Variants in TAFAZZIN observed in about 807,000 individuals in gnomAD.
TAFAZZIN encodes the protein tafazzin, phospholipid-lysophospholipid transacylase.
In TAFAZZIN, 6 loss-of-function variants were observed where a neutral mutation model predicts 27.3. The observed-to-expected ratio is 0.22, with a 90% CI of 0.12 to 0.43. The LOEUF (loss-of-function observed/expected upper bound fraction) is 0.43. Ranked by LOEUF, TAFAZZIN falls within the 20% of genes least tolerant of loss-of-function variation. The pLI is 1.00. For synonymous variants in TAFAZZIN, 79 were observed against 96.2 expected (o/e 0.82, Z 1.04); for missense variants, 127 against 244.5 (o/e 0.52, Z 3.21).
chrX:154,419,962 C>T (rs1557194010), intron 7 of TAFAZZIN, 70 bp from the exon 8 acceptor site: 4 of 1,184,181 alleles, frequency 3.4e-6, no homozygotes, highest in Non-Finnish European at 4.6e-6. Context: ...GTGGCAGTGG[C>T]CAGAGGCTGG....
intron 5 of TAFAZZIN, among the ~76,000 whole-genome samples, chrX:154,416,062 C>T (rs782710079): frequency 9.9e-4 from 106 of 107,412 alleles, no homozygotes; most frequent in African/African-American, 3.6e-3. Flanking sequence ...AGTTTGAGAC[C>T]AGCCTGACCA....
At position 154,414,616 on chromosome X, in the gene TAFAZZIN, C is replaced by T. The variant is rs370496739; in HGVS notation, c.460+426C>T. Among the ~76,000 whole-genome samples, 6 of 106,407 alleles carry T rather than the reference C, an allele frequency of 5.6e-5. No homozygotes were observed. The East Asian group carries it at 1.8e-3, about 32-fold the overall frequency. 92.4% of individuals were successfully genotyped at this position (106,407 alleles called of 115,157 possible). On this transcript the variant is annotated intron_variant, in intron 5 of 10. Transcript: ENST00000601016. ...CTGAGGCAGGAGAATGGCGTGAACCCGGAAGGTGGAGCTTGCAGTGAGCCA... is the reference window on the plus strand; with the variant it reads ...CTGAGGCAGGAGAATGGCGTGAACCTGGAAGGTGGAGCTTGCAGTGAGCCA...
chrX:154,419,784 G>A (rs2068577010), intron 7 of TAFAZZIN, 38 bp downstream of exon 7: 2 of 1,209,600 alleles, frequency 1.7e-6, no homozygotes, highest in Non-Finnish European at 2.2e-6. Context: ...CCATCCTCCC[G>A]GCCCAGAGAT....
chrX:154,412,267 G>A, intron 2 of TAFAZZIN, 53 bp downstream of exon 2: 1 of 1,166,741 alleles, frequency 8.6e-7, no homozygotes, highest in Non-Finnish European at 1.2e-6. Context: ...ATTCGGGACG[G>A]GCCCAGCCTC....
In TAFAZZIN at chrX:154,414,101, G is replaced by A. The variant is rs782404246; in HGVS notation, c.371G>A (p.Gly124Glu). 8.4e-7 allele frequency: 1 copy of A among 1,194,660 alleles called. No individual in the cohort carries two copies. The highest frequency in any genetic ancestry group is 3.0e-5 in the East Asian group (1 of 33,721). Residue 124 changes from glycine (G) to glutamate (E), a missense_variant and splice_region_variant, in exon 5 of 11, where the codon GGA becomes GAA. By Grantham distance (98) the Gly-to-Glu change is moderately conservative (BLOSUM62 -2). Coordinates refer to ENST00000601016, the MANE Select transcript of TAFAZZIN (RefSeq NM_000116.5). ...SLGKCVPVCR[G>E]AEFFQAENEG... ...ATCCAGATTGCTCCTTCCTCTGCAG[G>A]AGCAGAATTTTTCCAAGCAGAGAAT...
rs1603381185 is a variant in TAFAZZIN, at chrX:154,419,330, G to T, written c.461-213G>T. On this transcript the variant is annotated intron_variant, in intron 5 of 10. Coordinates refer to ENST00000601016, the MANE Select transcript of TAFAZZIN (RefSeq NM_000116.5). ...GCAGGCCCTGGAGACGGTCATTGGA[G>T]GGCGTCTGTGGATGGCGCAGTGGGG... 11 of 446,362 alleles carry T rather than the reference G, an allele frequency of 2.5e-5. No homozygotes were observed. The South Asian group carries it at 3.6e-4, about 15-fold the overall frequency. The allele number at this position is 446,362 out of a possible 1,213,427, so 36.8% of individuals were successfully genotyped here.
intron 10 of TAFAZZIN, 67 bp downstream of exon 10, chrX:154,420,802 C>T (rs894822659): frequency 5.5e-5 from 64 of 1,174,264 alleles, no homozygotes; most frequent in Non-Finnish European, 7.2e-5. Context: ...CAGCAGGGTG[C>T]CTCCACCCTC....
Position 154,412,231 on chromosome X carries a change from G to A in TAFAZZIN, c.238+17G>A. ...ATCTCTGGGGTACCCGGGCCAGTGT[G>A]CTGGGCAGGGGGAGGAAAGGCGAGG... On this transcript the variant is annotated intron_variant, in intron 2 of 10. Coordinates refer to ENST00000601016, the MANE Select transcript of TAFAZZIN (RefSeq NM_000116.5). The A allele has an allele frequency of 8.4e-7, 1 of 1,190,378 alleles. No individual in the cohort carries two copies. The highest frequency in any genetic ancestry group is 1.1e-6 in the Non-Finnish European group (1 of 883,603).
intron 5 of TAFAZZIN, 164 bp from the exon 6 acceptor site, chrX:154,419,379 G>A (rs2068563991): frequency 1.9e-6 from 1 of 530,850 alleles, no homozygotes; most frequent in East Asian, 3.6e-5. Flanking sequence ...TAATCTGCTG[G>A]GGCTTTCCCA....
chrX:154,420,500 C>G (rs970591651), intron 9 of TAFAZZIN, among the ~76,000 whole-genome samples, 158 bp from the exon 10 acceptor site: 2 of 110,413 alleles, frequency 1.8e-5, no homozygotes, highest in Non-Finnish European at 3.8e-5. Flanking sequence ...ATCTACAGCA[C>G]AGGACCCAGG....
At chrX:154,418,470 T>G (rs2068544752) in intron 5 of TAFAZZIN, 1 of 112,851 alleles carries the variant, frequency 8.9e-6, no homozygotes, top group South Asian at 3.6e-4. Flanking sequence ...ACCTCTTTCC[T>G]CTTTTGTCTG....
chrX:154,417,943 T>C (rs2068533236), intron 5 of TAFAZZIN, among the ~76,000 whole-genome samples: 1 of 112,193 alleles, frequency 8.9e-6, no homozygotes, highest in African/African-American at 3.2e-5. Context: ...TTGGCTTCTG[T>C]GTTCCAAAAA....
In TAFAZZIN at chrX:154,411,571, A is replaced by G. The variant is rs1557190368; in HGVS notation, c.-273A>G. On this transcript the variant is annotated 5_prime_UTR_variant, in exon 1 of 11. Transcript: ENST00000601016. The stretch of plus-strand genomic sequence containing the variant: ...GGCGGTTGCACCGGGCCGGGGTGCC[A>G]GCGCCCGCCTTCCCGTTTCCTCCCG... The G allele has an allele frequency of 1.3e-5, 5 of 393,483 alleles. No homozygotes were observed. The highest frequency in any genetic ancestry group is 2.3e-5 in the Non-Finnish European group (5 of 216,395). 32.4% of individuals were successfully genotyped at this position (393,483 alleles called of 1,213,427 possible).
intron 5 of TAFAZZIN, among the ~76,000 whole-genome samples, chrX:154,415,350 G>A (rs1557192518): frequency 9.1e-6 from 1 of 110,019 alleles, no homozygotes; most frequent in South Asian, 3.8e-4. Flanking sequence ...GCCTCTCAAA[G>A]TGCTGGGATC....
intron 5 of TAFAZZIN, among the ~76,000 whole-genome samples, chrX:154,416,261 G>A (rs1163196678): frequency 9.0e-6 from 1 of 111,588 alleles, no homozygotes; most frequent in Non-Finnish European, 1.9e-5. Flanking sequence ...GCTGGGCATG[G>A]TGGCAGGTGC....
chrX:154,420,916 A>C lies in TAFAZZIN; in HGVS notation c.791A>C (p.Lys264Thr). Residue 264 changes from lysine (K) to threonine (T), a missense_variant, in exon 11 of 11, where the codon AAA (lysine) becomes ACA (threonine). Physicochemically the swap from Lys to Thr is moderately conservative, Grantham distance 78. Transcript: ENST00000601016. Reference protein sequence around the residue: ...AENKSAVEMRKALTDFIQEEF... With the variant: ...AENKSAVEMRTALTDFIQEEF... ...CCTTTCCCTCAGGTGGAGATGCGGA[A>C]AGCCCTGACGGACTTCATTCAAGAG... 2 of 1,210,851 alleles carry C rather than the reference A, an allele frequency of 1.7e-6. No homozygotes were observed. The highest frequency in any genetic ancestry group is 4.3e-5 in the Admixed American group (2 of 45,979).
intron 5 of TAFAZZIN, among the ~76,000 whole-genome samples, chrX:154,414,609 G>A (rs1433566441): frequency 9.3e-6 from 1 of 107,234 alleles, no homozygotes; most frequent in Non-Finnish European, 1.9e-5. Flanking sequence ...GGAGAATGGC[G>A]TGAACCCGGA....
intron 2 of TAFAZZIN, chrX:154,412,469 C>T (rs1557191277): frequency 9.9e-6 from 4 of 405,627 alleles, no homozygotes; most frequent in Non-Finnish European, 1.7e-5. Context: ...GCTCCTTTAA[C>T]GTCAGGCCTC....
In TAFAZZIN at chrX:154,413,470, G is replaced by A; in HGVS notation, c.285-12G>A. ...GCAGGGGGCAGGACTAATTGCATCTGTCCCTGCTTAGGACCCCTGCAGCTG... is the reference window on the plus strand; with the variant it reads ...GCAGGGGGCAGGACTAATTGCATCTATCCCTGCTTAGGACCCCTGCAGCTG... On this transcript the variant is annotated splice_polypyrimidine_tract_variant and intron_variant, in intron 3 of 10. Transcript: ENST00000601016. The A allele has an allele frequency of 8.3e-7, 1 of 1,211,520 alleles. No homozygotes were observed. The highest frequency in any genetic ancestry group is 1.1e-6 in the Non-Finnish European group (1 of 894,963).
Sources: gnomAD v4.1 joint callset for allele counts (sites outside exome capture counted in the v4.1 genomes callset) on GRCh38, gnomAD v4.1.1 for gene constraint, MANE v1.5 for transcripts, NCBI Gene and HGNC (gene_info 2026-07-23, HGNC 2026-07-21) for gene names.